Variants in CD2AP observed in about 807,000 individuals in gnomAD.
CD2AP encodes the protein CD2 associated protein.
A neutral mutation model predicts 85.1 loss-of-function variants in CD2AP; 46 were observed. The observed-to-expected ratio is 0.54, with a 90% CI of 0.43 to 0.69. The LOEUF (loss-of-function observed/expected upper bound fraction) is 0.69. Ranked by LOEUF, CD2AP falls within the 30% of genes least tolerant of loss-of-function variation. CD2AP has a pLI of 0.00. For missense variants in CD2AP, 769 were observed against 729.5 expected (o/e 1.05, Z -0.62); for synonymous variants, 255 against 252.9 (o/e 1.01, Z -0.08).
At chr6:47,553,513 ATT>A (rs148273065) in intron 4 of CD2AP, among the ~76,000 whole-genome samples, 246 of 110,496 alleles carry the variant, frequency 2.2e-3, no homozygotes, top group African/African-American at 7.5e-3. Flanking sequence ...CACCTAGTGA[ATT>A]TTTTTTTTTT....
intron 2 of CD2AP, among the ~76,000 whole-genome samples, chr6:47,515,379 T>C (rs545047519): frequency 6.6e-6 from 1 of 152,302 alleles, no homozygotes; most frequent in African/African-American, 2.4e-5. Flanking sequence ...GAGTGCTACA[T>C]TGAGAGTGGA....
At chr6:47,533,858 T>G (rs2114026322) in intron 3 of CD2AP, 103 bp downstream of exon 3, 2 of 1,152,294 alleles carry the variant, frequency 1.7e-6, no homozygotes, top group Non-Finnish European at 1.2e-6. Context: ...TGTAGACAAC[T>G]ACAGTAACTT....
At chr6:47,550,322 A>AT (rs1263995656) in intron 4 of CD2AP, among the ~76,000 whole-genome samples, 43 of 152,328 alleles carry the variant, frequency 2.8e-4, no homozygotes, top group Non-Finnish European at 2.9e-5. Flanking sequence ...AAGGACTACT[A>AT]TCCAGAATCT....
At chr6:47,601,385 T>C (rs1293516113) in intron 13 of CD2AP, among the ~76,000 whole-genome samples, 15 of 152,000 alleles carry the variant, frequency 9.9e-5, no homozygotes, top group Non-Finnish European at 4.4e-5. Context: ...TTCAGGCTGC[T>C]GTTCTTTATT....
intron 2 of CD2AP, among the ~76,000 whole-genome samples, 191 bp downstream of exon 2, chr6:47,503,631 T>C (rs1287699740): frequency 6.6e-6 from 1 of 152,224 alleles, no homozygotes; most frequent in Non-Finnish European, 1.5e-5. Context: ...ATAGTAATCC[T>C]CTATGTATGT....
intron 1 of CD2AP, among the ~76,000 whole-genome samples, chr6:47,487,583 G>A (rs9349408): frequency 0.33 from 50,849 of 151,848 alleles, 9,341 homozygotes; most frequent in Middle Eastern, 0.52. Flanking sequence ...CCAGCTGCTC[G>A]GGAGGCTGAG....
intron 8 of CD2AP, among the ~76,000 whole-genome samples, chr6:47,579,113 G>T (rs957856049): frequency 6.6e-6 from 1 of 152,158 alleles, no homozygotes; most frequent in Non-Finnish European, 1.5e-5. Flanking sequence ...GATCTGTTTA[G>T]TTCCAGCCAG....
intron 17 of CD2AP, among the ~76,000 whole-genome samples, chr6:47,620,986 CAA>C (rs1769730117): frequency 6.6e-6 from 1 of 152,130 alleles, no homozygotes; most frequent in Admixed American, 6.5e-5. Flanking sequence ...GTATCGTCAG[CAA>C]ACAGTGACAG....
At chr6:47,497,306 T>TTTTCCTTTCCTTTCCTTTCC (rs760711476) in intron 1 of CD2AP, among the ~76,000 whole-genome samples, 6 of 102,656 alleles carry the variant, frequency 5.8e-5, no homozygotes, top group African/African-American at 1.9e-4. Context: ...CCCGTTCCCT[T>TTTTCCTTTCCTTTCCTTTCC]TTTCCTTTCC....
rs1328384812 is a variant in CD2AP, at chr6:47,503,264, T to C, written c.5-16T>C. ...GAATTAGATTTTAGACATTTCGTTTTTTCCCCCTTTTTTAGTTGACTATAT... is the reference window on the plus strand; with the variant it reads ...GAATTAGATTTTAGACATTTCGTTTCTTCCCCCTTTTTTAGTTGACTATAT... On this transcript the variant is annotated splice_polypyrimidine_tract_variant and intron_variant, in intron 1 of 17. Transcript: ENST00000359314. The C allele has an allele frequency of 1.2e-6, 2 of 1,612,168 alleles. No individual in the cohort carries two copies. Among genetic ancestry groups the C allele is most frequent in the East Asian group, 4.5e-5 (2 of 44,784 alleles).
chr6:47,512,638 G>T (rs531738143), intron 2 of CD2AP, among the ~76,000 whole-genome samples: 104 of 152,318 alleles, frequency 6.8e-4, no homozygotes, highest in African/African-American at 2.4e-3. Flanking sequence ...ATTTTACAAA[G>T]GATATTGAAC....
At chr6:47,524,191 T>C (rs866332130) in intron 2 of CD2AP, among the ~76,000 whole-genome samples, 3 of 152,142 alleles carry the variant, frequency 2.0e-5, no homozygotes, top group Admixed American at 2.0e-4. Flanking sequence ...TTGTTTCGGC[T>C]AAGGTATTTC....
At chr6:47,497,194 CCTTTCCCCTTTTTG>C (rs1470384998) in intron 1 of CD2AP, among the ~76,000 whole-genome samples, 13 of 151,034 alleles carry the variant, frequency 8.6e-5, no homozygotes, top group Admixed American at 2.0e-4. Flanking sequence ...TTATATTTTT[CCTTTCCCCTTTTTG>C]CTTTCCCCTT....
At position 47,624,325 on chromosome 6, in the gene CD2AP, G is replaced by A; in HGVS notation, c.*98G>A. ...CTTAAAAATTGTGAATTCTGTTGTT[G>A]TGATAAATATGAGCAAATGAAGTGT... On this transcript the variant is annotated 3_prime_UTR_variant, in exon 18 of 18. Transcript: ENST00000359314. The A allele has an allele frequency of 3.3e-6, 3 of 910,724 alleles. No homozygotes were observed. Among genetic ancestry groups the A allele is most frequent in the Non-Finnish European group, 5.5e-6 (3 of 548,276 alleles). The allele number at this position is 910,724 out of a possible 1,614,324, so 56.4% of individuals were successfully genotyped here.
At chr6:47,543,114 G>A (rs1298343267) in intron 3 of CD2AP, among the ~76,000 whole-genome samples, 11 of 122,294 alleles carry the variant, frequency 9.0e-5, no homozygotes, top group Non-Finnish European at 1.2e-4. Flanking sequence ...TTGCGCCACC[G>A]CACTCCAGCC....
chr6:47,484,193 A>T (rs767759266), intron 1 of CD2AP, among the ~76,000 whole-genome samples: 2 of 152,098 alleles, frequency 1.3e-5, no homozygotes, highest in African/African-American at 4.8e-5. Context: ...GACATTTATT[A>T]TGTCTCTTAA....
chr6:47,589,379 T>TACACACACACACACAC (rs1554182232), intron 11 of CD2AP, among the ~76,000 whole-genome samples: 32 of 139,438 alleles, frequency 2.3e-4, no homozygotes, highest in African/African-American at 7.1e-4. Flanking sequence ...CTCTTGAATA[T>TACACACACACACACAC]ACACACACAC....
chr6:47,521,690 C>G (rs1275921906), intron 2 of CD2AP, among the ~76,000 whole-genome samples: 3 of 152,048 alleles, frequency 2.0e-5, no homozygotes, highest in Admixed American at 1.3e-4. Context: ...GTAGTTGATA[C>G]CCTTTAAGTT....
intron 11 of CD2AP, among the ~76,000 whole-genome samples, chr6:47,589,447 C>A (rs28429056): frequency 1.4e-5 from 2 of 145,004 alleles, no homozygotes; most frequent in East Asian, 4.0e-4. Flanking sequence ...TACACACACA[C>A]AAATATATAT....
Sources: gnomAD v4.1 joint callset for allele counts (sites outside exome capture counted in the v4.1 genomes callset) on GRCh38, gnomAD v4.1.1 for gene constraint, MANE v1.5 for transcripts, NCBI Gene and HGNC (gene_info 2026-07-23, HGNC 2026-07-21) for gene names.